The following ZNF134 variants were observed in gnomAD, a reference collection of about 807,000 sequenced individuals.
ZNF134 encodes zinc finger protein 134 (clone pHZ-15).
A neutral mutation model predicts 2.5 loss-of-function variants in ZNF134; 5 were observed. That is an observed-to-expected ratio of 2.03 (90% CI 1.06 to 4.27). ZNF134 has a LOEUF of 4.27. Ranked by LOEUF, ZNF134 falls within the 30% of genes most tolerant of loss-of-function variation. The pLI is 0.00. For synonymous variants in ZNF134, 176 were observed against 176.2 expected (o/e 1.00, Z 0.01); for missense variants, 540 against 517.5 (o/e 1.04, Z -0.42).
intron 1 of ZNF134, among the ~76,000 whole-genome samples, chr19:57,618,603 G>T (rs145846594): frequency 6.6e-6 from 1 of 152,132 alleles, no homozygotes; most frequent in Non-Finnish European, 1.5e-5. Flanking sequence ...CCACTTGCCT[G>T]TTCTGAGCTG....
At chr19:57,618,988 A>C in intron 1 of ZNF134, 1 of 187,770 alleles carries the variant, frequency 5.3e-6, no homozygotes, top group Non-Finnish European at 1.1e-5. Context: ...CTCTTCTCTG[A>C]TTCCCTCACA....
At position 57,620,262 on chromosome 19, in the gene ZNF134, C is replaced by T. The variant is rs374612394; in HGVS notation, c.143C>T (p.Thr48Met). 33 of 1,614,054 alleles carry T rather than the reference C, an allele frequency of 2.0e-5. No individual in the cohort carries two copies. The highest frequency in any genetic ancestry group is 1.7e-4 in the Admixed American group (10 of 60,006). The part of the protein sequence containing the change: ...NTSKAGLPAQ[T>M]ALPCDICGPI... ...TCCAAGGCAGGTTTGCCCGCACAGA[C>T]GGCTCTCCCTTGTGACATATGTGGC... Residue 48 changes from threonine (T) to methionine (M), a missense_variant, in exon 3 of 3, where the codon ACG (threonine) becomes ATG (methionine). Transcript: ENST00000396161.
rs1981166734 is a variant in ZNF134 at position 57,620,354 on chromosome 19, ACATGTGGGG to A, written c.244_252del (p.Ala82_Gly84del). 4 of 1,613,768 alleles carry A rather than the reference ACATGTGGGG, an allele frequency of 2.5e-6. No homozygotes were observed. Among genetic ancestry groups the A allele is most frequent in the Non-Finnish European group, 3.4e-6 (4 of 1,179,652 alleles). On this transcript the variant is annotated inframe_deletion, in exon 3 of 3. Transcript: ENST00000396161. ...TACACACCATGGACTGAAACTTCAC[ACATGTGGGG>A]CATGTGGGAGACAATTCTGGTTCAG...
In ZNF134 at chr19:57,620,355, C is replaced by T. The variant is rs1568630335; in HGVS notation, c.236C>T (p.Thr79Ile). Residue 79 changes from threonine to isoleucine, a missense_variant, in exon 3 of 3, where the codon ACA becomes ATA. Physicochemically the swap from Thr to Ile is moderately conservative, Grantham distance 89 (BLOSUM62 -1). Transcript: ENST00000396161. ...QGTHHGLKLHTCGACGRQFWF... is the reference protein window; with the variant it reads ...QGTHHGLKLHICGACGRQFWF... ...ACACACCATGGACTGAAACTTCACA[C>T]ATGTGGGGCATGTGGGAGACAATTC... is the stretch of plus-strand genomic sequence containing the variant. 3.7e-6 allele frequency: 6 copies of T among 1,613,756 alleles called. No homozygotes were observed. Among genetic ancestry groups the T allele is most frequent in the East Asian group, 2.2e-5 (1 of 44,892 alleles).
In ZNF134 at chr19:57,624,545, T is replaced by C. The variant is rs1458829052; in HGVS notation, c.*3142T>C. ...CCAAATAAGGGAGGAGGGGTGGTAA[T>C]CAGGGGTCCCTGAAATCCCCTCTTT... On this transcript the variant is annotated 3_prime_UTR_variant, in exon 3 of 3. Transcript: ENST00000396161. 1 of 152,178 alleles carries C rather than the reference T, an allele frequency of 6.6e-6. No homozygotes were observed. The highest frequency in any genetic ancestry group is 1.5e-5 in the Non-Finnish European group (1 of 68,048). 9.4% of individuals were successfully genotyped at this position (152,178 alleles called of 1,614,324 possible).
intron 2 of ZNF134, 168 bp downstream of exon 2, chr19:57,619,676 G>T: frequency 2.6e-6 from 2 of 772,272 alleles, no homozygotes; most frequent in Non-Finnish European, 4.1e-6. Context: ...TCTGACCCAG[G>T]GCTGTCTTCT....
At chr19:57,617,610 C>T (rs1981088426) in intron 1 of ZNF134, among the ~76,000 whole-genome samples, 1 of 152,144 alleles carries the variant, frequency 6.6e-6, no homozygotes, top group African/African-American at 2.4e-5. Flanking sequence ...AAGTAGACAG[C>T]TGGACACAGA....
At position 57,623,174 on chromosome 19, in the gene ZNF134, AGT is replaced by A; in HGVS notation, c.*1774_*1775del. The A allele has an allele frequency of 6.6e-6, 1 of 152,172 alleles. No individual in the cohort carries two copies. Among genetic ancestry groups the A allele is most frequent in the Non-Finnish European group, 1.5e-5 (1 of 68,024 alleles). 9.4% of individuals were successfully genotyped at this position (152,172 alleles called of 1,614,324 possible). A position where few individuals can be genotyped will look rare whatever the true frequency, so the allele number is the denominator to read the frequency against. On this transcript the variant is annotated 3_prime_UTR_variant, in exon 3 of 3. Coordinates refer to ENST00000396161, the MANE Select transcript of ZNF134 (RefSeq NM_003435.5). ...GAATTTTATGTAAGTCTGCCTATAA[AGT>A]GTTAATTTTGCATGCTGTCTTTCAT...
chr19:57,616,537 A>G (rs374332952), intron 1 of ZNF134, among the ~76,000 whole-genome samples: 10 of 152,346 alleles, frequency 6.6e-5, no homozygotes, highest in Admixed American at 2.6e-4. Context: ...GGTGGGTGCC[A>G]TTATTATCCC....
intron 1 of ZNF134, among the ~76,000 whole-genome samples, chr19:57,616,121 C>G (rs1981045260): frequency 6.6e-6 from 1 of 152,198 alleles, no homozygotes; most frequent in Admixed American, 6.5e-5. Context: ...CATCCCCAAC[C>G]AGTGCATTGG....
chr19:57,622,822 T>G lies in ZNF134; in HGVS notation c.*1419T>G, dbSNP rs1981265518. On this transcript the variant is annotated 3_prime_UTR_variant, in exon 3 of 3. Coordinates refer to ENST00000396161, the MANE Select transcript of ZNF134 (RefSeq NM_003435.5). ...CATAGTGAGGTAGAGTCACTCTTAG[T>G]GATGTCCAGTTGTCCAGTTTCCAAT... 1 of 152,182 alleles carries G rather than the reference T, an allele frequency of 6.6e-6. No homozygotes were observed. Among genetic ancestry groups the G allele is most frequent in the African/African-American group, 2.4e-5 (1 of 41,434 alleles). The allele number at this position is 152,182 out of a possible 1,614,324, so 9.4% of individuals were successfully genotyped here. A position where few individuals can be genotyped will look rare whatever the true frequency, so the allele number is the denominator to read the frequency against.
rs1981027262 is a variant in ZNF134, at chr19:57,615,539, C to T, written c.-58+1036C>T. On this transcript the variant is annotated intron_variant, in intron 1 of 2. Coordinates refer to ENST00000396161, the MANE Select transcript of ZNF134 (RefSeq NM_003435.5). Reference sequence around the variant, plus strand: ...TCAGGCAAAAGTTTTCTCAGCAAGGCAATTTACTTCTGTGCAAGTGTGCTG... The same window carrying T: ...TCAGGCAAAAGTTTTCTCAGCAAGGTAATTTACTTCTGTGCAAGTGTGCTG... Among the ~76,000 whole-genome samples the T allele has an allele frequency of 2.0e-5, 3 of 151,934 alleles. No individual in the cohort carries two copies. The South Asian group carries it at 6.2e-4, about 32-fold the overall frequency.
At chr19:57,615,512 A>C (rs1483037590) in intron 1 of ZNF134, among the ~76,000 whole-genome samples, 1 of 151,958 alleles carries the variant, frequency 6.6e-6, no homozygotes, top group Non-Finnish European at 1.5e-5. Context: ...TGAAACCAGC[A>C]CTCAGGCAAA....
At chr19:57,617,338 C>G (rs527806320) in intron 1 of ZNF134, among the ~76,000 whole-genome samples, 1 of 152,046 alleles carries the variant, frequency 6.6e-6, no homozygotes, top group African/African-American at 2.4e-5. Flanking sequence ...CCAGAGTGGT[C>G]GCTGTAGAGG....
chr19:57,620,388 G>A lies in ZNF134; in HGVS notation c.269G>A (p.Ser90Asn). The A allele has an allele frequency of 1.2e-6, 2 of 1,614,204 alleles. No homozygotes were observed. Among genetic ancestry groups the A allele is most frequent in the Admixed American group, 3.3e-5 (2 of 60,024 alleles). The change falls in exon 3 of 3, where the codon AGT (serine) becomes AAT (asparagine). Residue 90 changes from serine to asparagine, a missense_variant. Physicochemically the swap from Ser to Asn is conservative, Grantham distance 46. Coordinates refer to ENST00000396161, the MANE Select transcript of ZNF134 (RefSeq NM_003435.5). ...GCATGTGGGAGACAATTCTGGTTCA[G>A]TGCAAACCTTCATCAGTACCAGAAG... ...CGACGRQFWF[S>N]ANLHQYQKCY...
At chr19:57,616,209 G>A (rs1981046781) in intron 1 of ZNF134, among the ~76,000 whole-genome samples, 1 of 152,210 alleles carries the variant, frequency 6.6e-6, no homozygotes, top group African/African-American at 2.4e-5. Flanking sequence ...CTCCCCTTCA[G>A]AGGAATATGT....
rs1290345040 is a variant in ZNF134, at chr19:57,622,970, C to G, written c.*1567C>G. ...AGTTAAGTCTTGATACACACACACACACACACACACACACACACACACACA... is the reference window on the plus strand; with the variant it reads ...AGTTAAGTCTTGATACACACACACAGACACACACACACACACACACACACA... On this transcript the variant is annotated 3_prime_UTR_variant, in exon 3 of 3. Coordinates refer to ENST00000396161, the MANE Select transcript of ZNF134 (RefSeq NM_003435.5). The G allele has an allele frequency of 2.2e-5, 3 of 137,844 alleles. No individual in the cohort carries two copies. The highest frequency in any genetic ancestry group is 1.0e-4 in the African/African-American group (3 of 29,286). The allele number at this position is 137,844 out of a possible 1,614,324, so 8.5% of individuals were successfully genotyped here. A position where few individuals can be genotyped will look rare whatever the true frequency, so the allele number is the denominator to read the frequency against.
rs1353894783 is a variant in ZNF134, at chr19:57,620,353, C to T, written c.234C>T (p.His78=). 6.2e-7 allele frequency: 1 copy of T among 1,613,790 alleles called. No individual in the cohort carries two copies. The highest frequency in any genetic ancestry group is 1.1e-5 in the South Asian group (1 of 91,082). ...GTACACACCATGGACTGAAACTTCA[C>T]ACATGTGGGGCATGTGGGAGACAAT... ...HQGTHHGLKL[H]TCGACGRQFW... is the part of the protein sequence containing the mutation. Residue 78 remains histidine (H), a synonymous_variant, in exon 3 of 3, where the codon CAC becomes CAT. Transcript: ENST00000396161.
At chr19:57,616,347 T>A (rs960720806) in intron 1 of ZNF134, among the ~76,000 whole-genome samples, 10 of 152,258 alleles carry the variant, frequency 6.6e-5, no homozygotes, top group African/African-American at 2.4e-4. Context: ...AATATTAAGT[T>A]GCCTTGAAGT....
Sources: gnomAD v4.1 joint callset for allele counts (sites outside exome capture counted in the v4.1 genomes callset) on GRCh38, gnomAD v4.1.1 for gene constraint, MANE v1.5 for transcripts, NCBI Gene and HGNC (gene_info 2026-07-23, HGNC 2026-07-21) for gene names.